The following USP54 variants were observed in gnomAD, a reference collection of about 807,000 sequenced individuals.
USP54 encodes ubiquitin specific peptidase 54.
Under a neutral mutation model 170.5 loss-of-function variants are expected in USP54, and 87 were observed. The observed-to-expected ratio is 0.51, with a 90% CI of 0.43 to 0.61. The LOEUF (loss-of-function observed/expected upper bound fraction) is 0.61, where lower values mean the gene tolerates loss of function less well. USP54 is among the 20% of genes least tolerant of loss of function. The pLI, the probability that USP54 is intolerant of heterozygous loss-of-function variation, is 0.00. For missense variants in USP54, 1,786 were observed against 2,047.8 expected, an observed-to-expected ratio of 0.87 and a Z score of 2.47; for synonymous variants, 655 against 742.8, an observed-to-expected ratio of 0.88 and a Z score of 1.92.
At chr10:73,587,043 T>A (rs562415015) in intron 1 of USP54, among the ~76,000 whole-genome samples, 136 of 152,324 alleles carry the variant, frequency 8.9e-4, no homozygotes, top group African/African-American at 3.1e-3. Context: ...CACTTTGTTA[T>A]AATTGACAAA....
intron 22 of USP54, among the ~76,000 whole-genome samples, chr10:73,501,899 C>T: frequency 6.6e-6 from 1 of 152,150 alleles, no homozygotes; most frequent in East Asian, 1.9e-4. Context: ...GAGCTGATTT[C>T]CCTCACTACC....
At chr10:73,584,164 C>G (rs1335182242) in intron 1 of USP54, among the ~76,000 whole-genome samples, 5 of 152,102 alleles carry the variant, frequency 3.3e-5, no homozygotes, top group African/African-American at 1.2e-4. Context: ...CCGAGGCGGA[C>G]AGATCACGAG....
intron 10 of USP54, 33 bp downstream of exon 10, chr10:73,539,411 C>T (rs751102832): frequency 7.9e-6 from 12 of 1,526,984 alleles, no homozygotes; most frequent in Non-Finnish European, 1.1e-5. Flanking sequence ...TTGTAGTCAC[C>T]AAACACTTCA....
rs1034867293 is a variant in USP54, at chr10:73,516,890, C to T, written c.3536G>A (p.Gly1179Asp). 1.2e-6 allele frequency: 2 copies of T among 1,614,216 alleles called. No homozygotes were observed. The highest frequency in any genetic ancestry group is 1.7e-6 in the Non-Finnish European group (2 of 1,180,036). Reference sequence around the variant, plus strand: ...TTGTTGCTTTGCCCATGGCCAGTGGCCTTTCTCTTGACCCTGTGAGAAAGG... The same window carrying T: ...TTGTTGCTTTGCCCATGGCCAGTGGTCTTTCTCTTGACCCTGTGAGAAAGG... Reference protein sequence around the residue: ...KPPFSQGQEKGHWPWAKQQSS... With the variant: ...KPPFSQGQEKDHWPWAKQQSS... The change falls in exon 20 of 24, where the codon GGC becomes GAC. Residue 1179 changes from glycine (G) to aspartate (D), a missense_variant. By Grantham distance (94) the Gly-to-Asp change is moderately conservative. Around this residue, in one of 3 missense-constraint regions of USP54, gnomAD observed 1,418 missense variants for 1,569.0 expected, o/e 0.90. Transcript: ENST00000687698.
chr10:73,613,102 A>T (rs2080287182), intron 1 of USP54, among the ~76,000 whole-genome samples: 1 of 145,488 alleles, frequency 6.9e-6, no homozygotes, highest in Admixed American at 7.0e-5. Context: ...GGCTGTAGTG[A>T]GTGGTGACCG....
At chr10:73,580,115 G>A (rs370725667) in intron 1 of USP54, among the ~76,000 whole-genome samples, 5 of 152,072 alleles carry the variant, frequency 3.3e-5, no homozygotes, top group African/African-American at 9.6e-5. Context: ...CCTTGGATCA[G>A]GAGTTCAAGA....
intron 1 of USP54, among the ~76,000 whole-genome samples, chr10:73,618,741 C>CAAA (rs1320519590): frequency 1.7e-5 from 1 of 58,512 alleles, no homozygotes; most frequent in Non-Finnish European, 3.6e-5. Flanking sequence ...GACTCCATCT[C>CAAA]AAAAAAAAAA....
intron 1 of USP54, among the ~76,000 whole-genome samples, chr10:73,625,144 C>G (rs914895118): frequency 1.3e-5 from 2 of 152,122 alleles, no homozygotes; most frequent in African/African-American, 2.4e-5. Context: ...GCACACACCC[C>G]CTTCTTCCAA....
At chr10:73,617,859 G>C (rs1003802623) in intron 1 of USP54, among the ~76,000 whole-genome samples, 3 of 149,162 alleles carry the variant, frequency 2.0e-5, no homozygotes, top group Non-Finnish European at 4.4e-5. Flanking sequence ...GCAGTAAGCC[G>C]TGATTGCACT....
At chr10:73,560,042 CA>C (rs563508891) in intron 4 of USP54, among the ~76,000 whole-genome samples, 10 of 144,646 alleles carry the variant, frequency 6.9e-5, no homozygotes, top group Admixed American at 4.1e-4. Context: ...GACCCCATTT[CA>C]AAAAAAAAAG....
In USP54 at chr10:73,517,637, T is replaced by C. The variant is rs2061259067; in HGVS notation, c.2789A>G (p.His930Arg). 3 of 1,614,094 alleles carry C rather than the reference T, an allele frequency of 1.9e-6. No homozygotes were observed. The highest frequency in any genetic ancestry group is 2.7e-5 in the African/African-American group (2 of 74,924). ...TGGAGATAGTGATGAGTGTGACTCA[T>C]GGCAGGAAGCAGGTGAATGGAAGAA... Reference protein sequence around the residue: ...SSFFHSPASCHESHSSLSPES... With the variant: ...SSFFHSPASCRESHSSLSPES... Residue 930 changes from histidine (H) to arginine (R), a missense_variant, in exon 20 of 24, where the codon CAT (histidine) becomes CGT (arginine). His to Arg is a conservative substitution (Grantham distance 29). Coordinates refer to ENST00000687698, the MANE Select transcript of USP54 (RefSeq NM_001391956.1).
chr10:73,620,571 C>T (rs2081011930), intron 1 of USP54, among the ~76,000 whole-genome samples: 1 of 148,428 alleles, frequency 6.7e-6, no homozygotes. Context: ...AATCCTCCTG[C>T]CTTAGCCTCC....
intron 4 of USP54, among the ~76,000 whole-genome samples, chr10:73,566,481 C>T (rs1023255635): frequency 6.6e-6 from 1 of 152,062 alleles, no homozygotes; most frequent in Non-Finnish European, 1.5e-5. Flanking sequence ...CGCCTGTAAT[C>T]CCAGCACTTT....
chr10:73,575,839 T>C lies in USP54; in HGVS notation c.-59A>G. Reference sequence around the variant, plus strand: ...GTGTAGTCAAGGGACTCAGGTATCCTCCTAGATCAAGATGACAGAGCCCTC... The same window carrying C: ...GTGTAGTCAAGGGACTCAGGTATCCCCCTAGATCAAGATGACAGAGCCCTC... On this transcript the variant is annotated 5_prime_UTR_variant, in exon 2 of 24. Coordinates refer to ENST00000687698, the MANE Select transcript of USP54 (RefSeq NM_001391956.1). The C allele has an allele frequency of 1.6e-6, 1 of 614,072 alleles. No individual in the cohort carries two copies. Among genetic ancestry groups the C allele is most frequent in the South Asian group, 3.5e-5 (1 of 28,758 alleles). 38.0% of individuals were successfully genotyped at this position (614,072 alleles called of 1,614,324 possible). A position where few individuals can be genotyped will look rare whatever the true frequency, so the allele number is the denominator to read the frequency against.
intron 19 of USP54, 93 bp from the exon 20 acceptor site, chr10:73,517,840 T>C: frequency 7.1e-7 from 1 of 1,416,064 alleles, no homozygotes; most frequent in South Asian, 1.4e-5. Context: ...TTTCTAGCTA[T>C]TCACACAGGG....
chr10:73,536,248 G>A, intron 11 of USP54, 21 bp downstream of exon 11: 1 of 1,613,144 alleles, frequency 6.2e-7, no homozygotes, highest in Non-Finnish European at 8.5e-7. Context: ...GAGAGGAGAG[G>A]TAAAGAGCCT....
intron 3 of USP54, among the ~76,000 whole-genome samples, chr10:73,572,740 A>G (rs1047614780): frequency 2.0e-5 from 3 of 152,342 alleles, no homozygotes; most frequent in South Asian, 2.1e-4. Context: ...CAATGCCTCA[A>G]TCATTAAGTA....
rs1317171598 is a variant in USP54 at position 73,530,496 on chromosome 10, G to T, written c.1475C>A (p.Pro492His). 1.9e-6 allele frequency: 3 copies of T among 1,610,696 alleles called. No individual in the cohort carries two copies. The Admixed American group carries it at 5.1e-5, about 27-fold the overall frequency. ...GCTGGATGGTTTGGAGGCATTTCTA[G>T]GAGCCTGCTTCTCTTTCAGTGTTTC... ...EGETLKEKQA[P>H]RNASKPSSST... The change falls in exon 14 of 24, where the codon CCT (proline) becomes CAT (histidine). Residue 492 changes from proline (P) to histidine (H), a missense_variant. Coordinates refer to ENST00000687698, the MANE Select transcript of USP54 (RefSeq NM_001391956.1).
rs2065243115 is a variant in USP54 at position 73,536,528 on chromosome 10, TAA to T, written c.976-93_976-92del. 4.4e-6 allele frequency: 6 copies of T among 1,352,404 alleles called. No individual in the cohort carries two copies. The South Asian group carries it at 1.1e-4, about 26-fold the overall frequency. The allele number at this position is 1,352,404 out of a possible 1,614,324, so 83.8% of individuals were successfully genotyped here. A position where few individuals can be genotyped will look rare whatever the true frequency, so the allele number is the denominator to read the frequency against. ...TTCTGTTCTGTATTTCTAAAGAAAA[TAA>T]AAGAGATGAAAAGATAAGAATTGGG... On this transcript the variant is annotated intron_variant, in intron 10 of 23. Coordinates refer to ENST00000687698, the MANE Select transcript of USP54 (RefSeq NM_001391956.1).
Sources: allele counts gnomAD v4.1 joint callset (sites outside exome capture counted in the v4.1 genomes callset), GRCh38; gene constraint gnomAD v4.1.1; regional missense constraint gnomAD v4.1.1; transcripts MANE v1.5; gene names NCBI Gene and HGNC (gene_info 2026-07-23, HGNC 2026-07-21).